Variants in STK40 observed in about 807,000 individuals in gnomAD.
STK40 encodes the protein serine/threonine kinase 40, also known as serine/threonine-protein kinase 40.
Under a neutral mutation model 47.9 loss-of-function variants are expected in STK40, and 13 were observed. The observed-to-expected ratio is 0.27, with a 90% CI of 0.18 to 0.43. The LOEUF (loss-of-function observed/expected upper bound fraction) is 0.43, where lower values mean the gene tolerates loss of function less well. Ranked by LOEUF, STK40 falls within the 20% of genes least tolerant of loss-of-function variation. The pLI, the probability that STK40 is intolerant of heterozygous loss-of-function variation, is 1.00. For synonymous variants in STK40, 225 were observed against 243.2 expected (o/e 0.93, Z 0.69); for missense variants, 460 against 595.1 (o/e 0.77, Z 2.36).
intron 1 of STK40, among the ~76,000 whole-genome samples, chr1:36,373,100 T>TA (rs1646964673): frequency 6.6e-6 from 1 of 152,120 alleles, no homozygotes; most frequent in African/African-American, 2.4e-5. Context: ...GACACTCACT[T>TA]ATTTTGTGAC....
chr1:36,342,365 G>A (rs753364260), intron 10 of STK40: 37 of 274,058 alleles, frequency 1.4e-4, no homozygotes, highest in Admixed American at 1.0e-4. Context: ...GCACCTGGAG[G>A]AGCCACATAC....
chr1:36,360,888 T>C (rs1185388609), intron 2 of STK40, among the ~76,000 whole-genome samples: 1 of 152,144 alleles, frequency 6.6e-6, no homozygotes, highest in Non-Finnish European at 1.5e-5. Context: ...TGGGTGTGCT[T>C]CCTGTGAGCA....
chr1:36,381,793 T>C (rs1285048974), intron 1 of STK40, among the ~76,000 whole-genome samples: 1 of 151,970 alleles, frequency 6.6e-6, no homozygotes, highest in Non-Finnish European at 1.5e-5. Context: ...CCAGTCCCAG[T>C]TCAAGTTCTA....
At chr1:36,356,418 C>CTTTTTTTTTTTTT (rs1002682531) in intron 4 of STK40, among the ~76,000 whole-genome samples, 48 of 116,808 alleles carry the variant, frequency 4.1e-4, no homozygotes, top group Non-Finnish European at 5.9e-4. Context: ...TCTTCTTTTT[C>CTTTTTTTTTTTTT]TTTTTTTTTT....
chr1:36,368,004 G>T (rs996518028), intron 1 of STK40: 3 of 420,040 alleles, frequency 7.1e-6, no homozygotes, highest in Non-Finnish European at 9.6e-6. Context: ...TCTTGGAGCA[G>T]GATTGCGGGA....
chr1:36,364,991 T>C (rs1165583463), intron 1 of STK40, among the ~76,000 whole-genome samples: 6 of 147,446 alleles, frequency 4.1e-5, no homozygotes, highest in African/African-American at 1.5e-4. Flanking sequence ...CCTTATTCTT[T>C]TTTTTTTTTT....
intron 4 of STK40, among the ~76,000 whole-genome samples, chr1:36,356,689 T>C (rs543049048): frequency 4.9e-4 from 74 of 152,214 alleles, no homozygotes; most frequent in African/African-American, 1.5e-3. Context: ...CCTCCCAAAG[T>C]GCTGGGTTTA....
intron 1 of STK40, among the ~76,000 whole-genome samples, chr1:36,377,807 G>A (rs769345292): frequency 6.6e-6 from 1 of 152,142 alleles, no homozygotes; most frequent in Non-Finnish European, 1.5e-5. Context: ...ACTGGCTCAG[G>A]ATGCCTCTTT....
rs759593248 is a variant in STK40 at position 36,341,858 on chromosome 1, C to A, written c.1205G>T (p.Arg402Leu). 6.2e-7 allele frequency: 1 copy of A among 1,613,896 alleles called. No homozygotes were observed. The highest frequency in any genetic ancestry group is 1.7e-5 in the Admixed American group (1 of 60,026). The change falls in exon 11 of 11, where the codon CGG (arginine) becomes CTG (leucine). Residue 402 changes from arginine (R) to leucine (L), a missense_variant. Arg to Leu is a moderately radical substitution (Grantham distance 102). Around this residue, in one of 3 missense-constraint regions of STK40, gnomAD observed 181 missense variants for 218.9 expected, o/e 0.83. Transcript: ENST00000373132. Reference sequence around the variant, plus strand: ...CACCGGTGGTGCGCTGCCGAACTGCCGCTTGGGTACCCAGCTCCGGGCGTC... The same window carrying A: ...CACCGGTGGTGCGCTGCCGAACTGCAGCTTGGGTACCCAGCTCCGGGCGTC... ...IHDARSWVPKRQFGSAPPVRR... is the reference protein window; with the variant it reads ...IHDARSWVPKLQFGSAPPVRR...
chr1:36,377,125 G>T (rs1356537610), intron 1 of STK40, among the ~76,000 whole-genome samples: 1 of 151,978 alleles, frequency 6.6e-6, no homozygotes, highest in Non-Finnish European at 1.5e-5. Context: ...CCCAAGGAGG[G>T]GAGGGAGAGC....
In STK40 at chr1:36,341,075, T is replaced by G. The variant is rs1390616562; in HGVS notation, c.*680A>C. ...GACTGGCAGGAGGGGCTTCCCTGCC[T>G]GGGGGTGAGGAGGGAGCTCACGTGT... On this transcript the variant is annotated 3_prime_UTR_variant, in exon 11 of 11. Coordinates refer to ENST00000373132, the MANE Select transcript of STK40 (RefSeq NM_001282547.2). 1.3e-5 allele frequency: 2 copies of G among 152,398 alleles called. No homozygotes were observed. Among genetic ancestry groups the G allele is most frequent in the Admixed American group, 1.3e-4 (2 of 15,270 alleles). The allele number at this position is 152,398 out of a possible 1,614,324, so 9.4% of individuals were successfully genotyped here.
chr1:36,351,115 G>A (rs1223433246), intron 6 of STK40, among the ~76,000 whole-genome samples: 1 of 152,178 alleles, frequency 6.6e-6, no homozygotes, highest in African/African-American at 2.4e-5. Flanking sequence ...GGCTGCCACA[G>A]TGTTTTTCTC....
chr1:36,341,415 GA>G lies in STK40; in HGVS notation c.*339del. On this transcript the variant is annotated 3_prime_UTR_variant, in exon 11 of 11. Coordinates refer to ENST00000373132, the MANE Select transcript of STK40 (RefSeq NM_001282547.2). ...CCCAGGTCAGTTGGTGGCCGCTGGG[GA>G]AGGCCCTGGAGTGGGGTGAGCAGGC... 1 of 245,920 alleles carries G rather than the reference GA, an allele frequency of 4.1e-6. No homozygotes were observed. Among genetic ancestry groups the G allele is most frequent in the Non-Finnish European group, 8.1e-6 (1 of 123,112 alleles). The allele number at this position is 245,920 out of a possible 1,614,324, so 15.2% of individuals were successfully genotyped here.
chr1:36,342,314 G>A (rs1646656870), intron 10 of STK40: 7 of 338,672 alleles, frequency 2.1e-5, no homozygotes, highest in South Asian at 1.9e-4. Flanking sequence ...GGCGGCTAAT[G>A]CACGTCAAGA....
intron 1 of STK40, among the ~76,000 whole-genome samples, chr1:36,370,344 C>G (rs1557520862): frequency 6.6e-6 from 1 of 152,232 alleles, no homozygotes; most frequent in Middle Eastern, 3.2e-3. Context: ...GAGTGGCAGC[C>G]TGGCCTGTCC....
intron 1 of STK40, among the ~76,000 whole-genome samples, chr1:36,374,818 T>C (rs1397909199): frequency 1.3e-5 from 2 of 152,176 alleles, no homozygotes; most frequent in Non-Finnish European, 2.9e-5. Context: ...CATACTGGCC[T>C]GCTCTGGCTC....
At chr1:36,354,266 G>C (rs1646783137) in intron 6 of STK40, 98 bp downstream of exon 6, 1 of 1,353,008 alleles carries the variant, frequency 7.4e-7, no homozygotes, top group Non-Finnish European at 1.1e-6. Context: ...TTTTGAGTCG[G>C]AATCCTCATG....
At chr1:36,371,208 T>C (rs1482942869) in intron 1 of STK40, among the ~76,000 whole-genome samples, 1 of 150,826 alleles carries the variant, frequency 6.6e-6, no homozygotes, top group Non-Finnish European at 1.5e-5. Flanking sequence ...TCTAGATTTA[T>C]AATACCTAAT....
rs753519696 is a variant in STK40, at chr1:36,355,363, C to T, written c.413G>A (p.Cys138Tyr). The T allele has an allele frequency of 6.2e-7, 1 of 1,614,196 alleles. No individual in the cohort carries two copies. Among genetic ancestry groups the T allele is most frequent in the South Asian group, 1.1e-5 (1 of 91,084 alleles). Residue 138 changes from cysteine to tyrosine, a missense_variant, in exon 5 of 11, where the codon TGC becomes TAC. Transcript: ENST00000373132. ...AGCACAGAGGCAGTCCAGGACGAGG[C>T]AGATGCGCTTCTTCATCTTCTTAAC... Reference protein sequence around the residue: ...RMVKKMKKRICLVLDCLCAHD... With the variant: ...RMVKKMKKRIYLVLDCLCAHD...
Sources: gnomAD v4.1 joint callset for allele counts (sites outside exome capture counted in the v4.1 genomes callset) on GRCh38, gnomAD v4.1.1 for gene constraint, gnomAD v4.1.1 regional missense constraint, MANE v1.5 for transcripts, NCBI Gene and HGNC (gene_info 2026-07-23, HGNC 2026-07-21) for gene names.